Variants in GRAP2 observed in about 807,000 individuals in gnomAD.
The protein encoded by GRAP2 is GRB2 related adaptor protein 2.
In GRAP2, 31 loss-of-function variants were observed where a neutral mutation model predicts 43.5. That is an observed-to-expected ratio of 0.71 (90% confidence interval 0.54 to 0.96). The LOEUF (loss-of-function observed/expected upper bound fraction) is 0.96, where lower values mean the gene tolerates loss of function less well. Ranked by LOEUF, GRAP2 falls within the 40% of genes least tolerant of loss-of-function variation. The pLI is 0.00. For synonymous variants in GRAP2, 156 were observed against 164.8 expected (o/e 0.95, Z 0.41); for missense variants, 371 against 424.4 (o/e 0.87, Z 1.11).
chr22:39,951,803 A>ATT (rs200554003), intron 2 of GRAP2, among the ~76,000 whole-genome samples: 1 of 151,932 alleles, frequency 6.6e-6, no homozygotes, highest in African/African-American at 2.4e-5. Flanking sequence ...GAAAATGAGA[A>ATT]TTTTTTTTAA....
chr22:39,931,166 G>A (rs1198924628), intron 1 of GRAP2, among the ~76,000 whole-genome samples: 3 of 152,180 alleles, frequency 2.0e-5, no homozygotes, highest in African/African-American at 4.8e-5. Flanking sequence ...TTTGTTGAAC[G>A]AATACACAAA....
At chr22:39,953,348 C>T (rs938217821) in intron 2 of GRAP2, among the ~76,000 whole-genome samples, 6 of 152,144 alleles carry the variant, frequency 3.9e-5, no homozygotes, top group Admixed American at 6.5e-5. Context: ...TCTGTAAAGC[C>T]GTCACCACCT....
At chr22:39,923,465 T>G (rs1457901642) in intron 1 of GRAP2, among the ~76,000 whole-genome samples, 1 of 152,228 alleles carries the variant, frequency 6.6e-6, no homozygotes, top group Admixed American at 6.5e-5. Flanking sequence ...ATTATTTCAG[T>G]TATCTATGCC....
intron 1 of GRAP2, among the ~76,000 whole-genome samples, chr22:39,943,552 G>A (rs1447610135): frequency 6.6e-6 from 1 of 152,060 alleles, no homozygotes; most frequent in Admixed American, 6.5e-5. Flanking sequence ...TTGGCGGGGT[G>A]GGGGTTGGGG....
Position 39,928,318 on chromosome 22 carries a change from T to C in GRAP2, c.-14-18775T>C, listed in dbSNP as rs73165005. ...CATGAAAATACTGGGACTTCTCTCATTCTTTGCTAATAAATGGGTTATTCA... is the reference window on the plus strand; with the variant it reads ...CATGAAAATACTGGGACTTCTCTCACTCTTTGCTAATAAATGGGTTATTCA... On this transcript the variant is annotated intron_variant, in intron 1 of 7. Coordinates refer to ENST00000344138, the MANE Select transcript of GRAP2 (RefSeq NM_004810.4). Among the ~76,000 whole-genome samples the C allele has an allele frequency of 2.2e-3, 334 of 152,356 alleles. 2 individuals carry two copies. The highest frequency in any genetic ancestry group is 8.2e-3 in the Admixed American group (125 of 15,310).
At chr22:39,941,586 AT>A (rs989057007) in intron 1 of GRAP2, among the ~76,000 whole-genome samples, 10 of 152,246 alleles carry the variant, frequency 6.6e-5, no homozygotes, top group East Asian at 1.9e-4. Flanking sequence ...GTTGAAAAAA[AT>A]ATCAAAAGAA....
At chr22:39,925,025 T>C (rs377038542) in intron 1 of GRAP2, among the ~76,000 whole-genome samples, 16 of 152,126 alleles carry the variant, frequency 1.1e-4, no homozygotes, top group East Asian at 9.7e-4. Context: ...GTGGGAACAT[T>C]TGTGAATCAA....
intron 2 of GRAP2, among the ~76,000 whole-genome samples, chr22:39,953,032 C>T (rs1294079749): frequency 6.6e-6 from 1 of 152,202 alleles, no homozygotes; most frequent in African/African-American, 2.4e-5. Flanking sequence ...CTTCCTTCCA[C>T]CTTGGAGTGA....
intron 1 of GRAP2, among the ~76,000 whole-genome samples, chr22:39,943,045 T>G (rs1007166510): frequency 2.6e-5 from 4 of 152,244 alleles, no homozygotes; most frequent in South Asian, 4.1e-4. Flanking sequence ...CTTTGTGGTG[T>G]TATGCAATTG....
chr22:39,951,679 G>A (rs562251693), intron 2 of GRAP2, among the ~76,000 whole-genome samples: 1 of 152,232 alleles, frequency 6.6e-6, no homozygotes, highest in Non-Finnish European at 1.5e-5. Context: ...ATGGGTACAC[G>A]AGATAGGGGG....
intron 1 of GRAP2, among the ~76,000 whole-genome samples, chr22:39,915,079 C>T (rs2066593460): frequency 6.6e-6 from 1 of 150,756 alleles, no homozygotes; most frequent in South Asian, 2.1e-4. Flanking sequence ...ATCCCAGCTA[C>T]TCAGGAGGCC....
At chr22:39,918,146 G>T (rs1385390542) in intron 1 of GRAP2, among the ~76,000 whole-genome samples, 1 of 152,130 alleles carries the variant, frequency 6.6e-6, no homozygotes, top group Non-Finnish European at 1.5e-5. Context: ...TATAACTCAC[G>T]GGTTTTTCAC....
chr22:39,897,023 C>G (rs1457979681), upstream of GRAP2, among the ~76,000 whole-genome samples: 1 of 152,214 alleles, frequency 6.6e-6, no homozygotes, highest in African/African-American at 2.4e-5. Context: ...CTCTTGTCTT[C>G]TCTATCTATA....
intron 1 of GRAP2, among the ~76,000 whole-genome samples, chr22:39,930,476 G>C (rs1295443687): frequency 6.6e-6 from 1 of 152,154 alleles, no homozygotes; most frequent in Non-Finnish European, 1.5e-5. Context: ...GAGATAATGT[G>C]TAAAGTACTT....
chr22:39,962,684 C>T (rs906170160), intron 4 of GRAP2, among the ~76,000 whole-genome samples: 3 of 151,776 alleles, frequency 2.0e-5, no homozygotes, highest in Non-Finnish European at 4.4e-5. Flanking sequence ...TTGAGACAGA[C>T]TCTCGCTCTG....
intron 1 of GRAP2, among the ~76,000 whole-genome samples, chr22:39,928,442 A>G (rs1397317323): frequency 6.6e-6 from 1 of 152,156 alleles, no homozygotes; most frequent in African/African-American, 2.4e-5. Context: ...AAGCACAGAG[A>G]TTTCTCAGAG....
At chr22:39,912,215 G>C (rs992150376) in intron 1 of GRAP2, among the ~76,000 whole-genome samples, 1 of 152,216 alleles carries the variant, frequency 6.6e-6, no homozygotes, top group African/African-American at 2.4e-5. Flanking sequence ...GAGCTCAGGA[G>C]TTTGAGGCCA....
chr22:39,939,093 CA>C (rs2066837691), intron 1 of GRAP2, among the ~76,000 whole-genome samples: 1 of 152,218 alleles, frequency 6.6e-6, no homozygotes, highest in South Asian at 2.1e-4. Context: ...AGAGGACACT[CA>C]AATCCCAGCC....
At chr22:39,940,519 G>C (rs1295307244) in intron 1 of GRAP2, among the ~76,000 whole-genome samples, 1 of 151,884 alleles carries the variant, frequency 6.6e-6, no homozygotes, top group Non-Finnish European at 1.5e-5. Flanking sequence ...TTTTCAAGAA[G>C]GGCCATCTGT....
Sources: gnomAD v4.1 joint callset for allele counts (sites outside exome capture counted in the v4.1 genomes callset) on GRCh38, gnomAD v4.1.1 for gene constraint, MANE v1.5 for transcripts, NCBI Gene and HGNC (gene_info 2026-07-23, HGNC 2026-07-21) for gene names.